HARS1: variants seen among roughly 807,000 people sequenced by gnomAD.
The protein encoded by HARS1 is histidyl-tRNA synthetase 1, also known as histidine--tRNA ligase, cytoplasmic.
HARS1 carries 45 observed loss-of-function variants against 63.6 expected under a neutral mutation model. That is an observed-to-expected ratio of 0.71 (90% CI 0.56 to 0.91). HARS1 has a LOEUF of 0.91. HARS1 is among the 40% of genes least tolerant of loss of function. The pLI is 0.00. For missense variants in HARS1, 508 were observed against 643.2 expected, an observed-to-expected ratio of 0.79 and a Z score of 2.27; for synonymous variants, 205 against 247.1, an observed-to-expected ratio of 0.83 and a Z score of 1.60.
rs1758588849 is a variant in HARS1, at chr5:140,679,459, A to G, written c.396+329T>C. 2.5e-6 allele frequency: 1 copy of G among 404,458 alleles called. No homozygotes were observed. The highest frequency in any genetic ancestry group is 4.2e-5 in the Admixed American group (1 of 23,642). 25.1% of individuals were successfully genotyped at this position (404,458 alleles called of 1,614,324 possible). A position where few individuals can be genotyped will look rare whatever the true frequency, so the allele number is the denominator to read the frequency against. On this transcript the variant is annotated intron_variant, in intron 4 of 12. Coordinates refer to ENST00000504156, the MANE Select transcript of HARS1 (RefSeq NM_002109.6). The surrounding 1 kb of genome is among the most constrained non-coding windows in gnomAD (Gnocchi z 4.3). ...TTTCTAAGCAGATGATTCTCTGTGT[A>G]GCTTGGAGACAAGGGAAATGTGTTG...
rs559027178 is a variant in HARS1 at position 140,676,184 on chromosome 5, C to A, written c.1194+470G>T. 8.3e-5 allele frequency: 13 copies of A among 156,628 alleles called. No homozygotes were observed. The highest frequency in any genetic ancestry group is 4.4e-4 in the Admixed American group (7 of 15,746). 9.7% of individuals were successfully genotyped at this position (156,628 alleles called of 1,614,324 possible). On this transcript the variant is annotated intron_variant, in intron 10 of 12. Transcript: ENST00000504156. This position sits in a 1 kb window ranked among gnomAD's most constrained non-coding sequence, Gnocchi z 4.1. Reference sequence around the variant, plus strand: ...CTGGATTCAAATTCTGACCCTACCACTTACAAGTTTCATGGCCTTAAGCAA... The same window carrying A: ...CTGGATTCAAATTCTGACCCTACCAATTACAAGTTTCATGGCCTTAAGCAA...
Position 140,673,972 on chromosome 5 carries a change from G to A in HARS1, c.*285C>T, listed in dbSNP as rs1251176513. 4 of 574,920 alleles carry A rather than the reference G, an allele frequency of 7.0e-6. No homozygotes were observed. Among genetic ancestry groups the A allele is most frequent in the African/African-American group, 5.6e-5 (3 of 53,338 alleles). 35.6% of individuals were successfully genotyped at this position (574,920 alleles called of 1,614,324 possible). A position where few individuals can be genotyped will look rare whatever the true frequency, so the allele number is the denominator to read the frequency against. ...TGGGGAGGCATCTGCTCCAACTGGT[G>A]CGGGGCCCTGCAGATGGGACCATCT... On this transcript the variant is annotated 3_prime_UTR_variant, in exon 13 of 13. Transcript: ENST00000504156.
At position 140,677,430 on chromosome 5, in the gene HARS1, C is replaced by T; in HGVS notation, c.730-10G>A. ...CCTCTTCCCAGGACACCTAGGCAGA[C>T]AGACACCAGTCAGGGACCCCTGGGC... On this transcript the variant is annotated splice_polypyrimidine_tract_variant and intron_variant, in intron 7 of 12. Coordinates refer to ENST00000504156, the MANE Select transcript of HARS1 (RefSeq NM_002109.6). The T allele has an allele frequency of 1.9e-6, 3 of 1,600,646 alleles. No individual in the cohort carries two copies. Among genetic ancestry groups the T allele is most frequent in the Non-Finnish European group, 1.7e-6 (2 of 1,167,814 alleles).
intron 2 of HARS1, among the ~76,000 whole-genome samples, chr5:140,688,267 C>T (rs1759164781): frequency 1.3e-5 from 2 of 152,148 alleles, no homozygotes; most frequent in South Asian, 4.1e-4. Context: ...AATCTTAACA[C>T]TATAGTATGG....
In HARS1 at chr5:140,674,823, A is replaced by G. The variant is rs1258248755; in HGVS notation, c.1314T>C (p.Ala438=). 2.5e-6 allele frequency: 4 copies of G among 1,614,032 alleles called. No homozygotes were observed. The highest frequency in any genetic ancestry group is 1.3e-5 in the African/African-American group (1 of 74,926). The change falls in exon 12 of 13, where the codon GCT becomes GCC. Residue 438 remains alanine (A), a splice_region_variant and synonymous_variant. Transcript: ENST00000504156. ...TTGGGTTCTTCTTGTACAGCAGCTC[A>G]GCCTGCAGGGGACAAGAGCAGAAGA... ...VSELWDAGIK[A]ELLYKKNPKL... is the part of the protein sequence containing the mutation.
In HARS1 at chr5:140,677,718, A is replaced by T; in HGVS notation, c.666T>A (p.Ala222=). ...ACTTGCTGTCAGAAACACCACAGAT[A>T]GCAAACATCCCATCTAGAATGCGTC... ...NDRRILDGMF[A]ICGVSDSKFR... The change falls in exon 7 of 13, where the codon GCT becomes GCA. Residue 222 remains alanine (A), a synonymous_variant. Coordinates refer to ENST00000504156, the MANE Select transcript of HARS1 (RefSeq NM_002109.6). 5 of 1,611,862 alleles carry T rather than the reference A, an allele frequency of 3.1e-6. No individual in the cohort carries two copies. Among genetic ancestry groups the T allele is most frequent in the Non-Finnish European group, 4.2e-6 (5 of 1,179,276 alleles).
At chr5:140,674,405 C>T in intron 12 of HARS1, 77 bp from the exon 13 acceptor site, 2 of 1,040,278 alleles carry the variant, frequency 1.9e-6, no homozygotes, top group South Asian at 1.3e-5. Context: ...TTCCTCTAGC[C>T]CTCTAGGCAT....
intron 2 of HARS1, among the ~76,000 whole-genome samples, chr5:140,686,821 G>A (rs1022350490): frequency 2.0e-5 from 3 of 151,956 alleles, no homozygotes; most frequent in Non-Finnish European, 2.9e-5. Flanking sequence ...TCAAACTCCC[G>A]ACCTCAGGTG....
rs773562706 is a variant in HARS1 at position 140,690,695 on chromosome 5, C to T, written c.180+160G>A. Among the ~76,000 whole-genome samples, 9 of 152,302 alleles carry T rather than the reference C, an allele frequency of 5.9e-5. 1 individual carries two copies. Among genetic ancestry groups the T allele is most frequent in the Middle Eastern group, 6.8e-3 (2 of 294 alleles). On this transcript the variant is annotated intron_variant, in intron 2 of 12. Transcript: ENST00000504156. Reference sequence around the variant, plus strand: ...CCATCACTTTGCCATCCCAGAATGACTCAGGTAGAGTCCAGTCCAGCCCAG... The same window carrying T: ...CCATCACTTTGCCATCCCAGAATGATTCAGGTAGAGTCCAGTCCAGCCCAG...
At chr5:140,678,183 C>A in intron 5 of HARS1, 168 bp from the exon 6 acceptor site, 1 of 600,052 alleles carries the variant, frequency 1.7e-6, no homozygotes, top group Non-Finnish European at 3.0e-6. Context: ...GGGCTTCTCA[C>A]CAGTTTTGGT....
At chr5:140,686,791 C>T (rs529521744) in intron 2 of HARS1, among the ~76,000 whole-genome samples, 1 of 151,678 alleles carries the variant, frequency 6.6e-6, no homozygotes. Flanking sequence ...TGGGGTTTCT[C>T]TATGTTGGTC....
intron 2 of HARS1, chr5:140,683,492 A>G: frequency 8.3e-7 from 1 of 1,203,452 alleles, no homozygotes; most frequent in Non-Finnish European, 1.0e-6. Flanking sequence ...CCATTTTTCT[A>G]AACACTCTCT....
At chr5:140,690,095 C>T (rs1052186747) in intron 2 of HARS1, among the ~76,000 whole-genome samples, 1 of 152,170 alleles carries the variant, frequency 6.6e-6, no homozygotes, top group Non-Finnish European at 1.5e-5. Context: ...CCCAGTTCTC[C>T]CTTATTTTTC....
chr5:140,678,903 C>T, intron 5 of HARS1, 99 bp downstream of exon 5: 4 of 1,213,352 alleles, frequency 3.3e-6, no homozygotes, highest in Non-Finnish European at 4.7e-6. Flanking sequence ...TTATCTGGGT[C>T]ATCCAATTTG....
rs768355330 is a variant in HARS1 at position 140,677,458 on chromosome 5, C to T, written c.730-38G>A. On this transcript the variant is annotated intron_variant, in intron 7 of 12. Coordinates refer to ENST00000504156, the MANE Select transcript of HARS1 (RefSeq NM_002109.6). ...ACACCAGTCAGGGACCCCTGGGCAGCTTCCGCACCACAGAGCAAGTGTGTA... is the reference window on the plus strand; with the variant it reads ...ACACCAGTCAGGGACCCCTGGGCAGTTTCCGCACCACAGAGCAAGTGTGTA... 2.7e-6 allele frequency: 4 copies of T among 1,475,178 alleles called. No homozygotes were observed. In the East Asian group the frequency reaches 9.0e-5, roughly 33 times the overall value. The allele number at this position is 1,475,178 out of a possible 1,614,324, so 91.4% of individuals were successfully genotyped here.
In HARS1 at chr5:140,674,836, CAA is replaced by C; in HGVS notation, c.1312-13_1312-12del. 1.2e-6 allele frequency: 2 copies of C among 1,614,080 alleles called. No individual in the cohort carries two copies. The highest frequency in any genetic ancestry group is 1.7e-6 in the Non-Finnish European group (2 of 1,179,940). On this transcript the variant is annotated splice_polypyrimidine_tract_variant and intron_variant, in intron 11 of 12. Coordinates refer to ENST00000504156, the MANE Select transcript of HARS1 (RefSeq NM_002109.6). ...GTACAGCAGCTCAGCCTGCAGGGGA[CAA>C]GAGCAGAAGATGAAGGCTGGCTTCT...
rs1402586079 is a variant in HARS1 at position 140,673,963 on chromosome 5, C to G, written c.*294G>C. The G allele has an allele frequency of 1.8e-6, 1 of 569,104 alleles. No individual in the cohort carries two copies. The highest frequency in any genetic ancestry group is 1.9e-5 in the African/African-American group (1 of 53,260). The allele number at this position is 569,104 out of a possible 1,614,324, so 35.3% of individuals were successfully genotyped here. ...AATTGGTGGTGGGGAGGCATCTGCT[C>G]CAACTGGTGCGGGGCCCTGCAGATG... On this transcript the variant is annotated 3_prime_UTR_variant, in exon 13 of 13. Transcript: ENST00000504156.
chr5:140,676,685 C>G lies in HARS1; in HGVS notation c.1163G>C (p.Arg388Pro). The change falls in exon 10 of 13, where the codon CGG (arginine) becomes CCG (proline). Residue 388 changes from arginine (R) to proline (P), a missense_variant. Transcript: ENST00000504156. This position sits in a 1 kb window ranked among gnomAD's most constrained non-coding sequence, Gnocchi z 4.1. Reference protein sequence around the residue: ...PCVGLSIGVERIFSIVEQRLE... With the variant: ...PCVGLSIGVEPIFSIVEQRLE... ...TCTCTGTTCCACGATGGAGAAAATC[C>G]GCTCCACCCCAATGCTGAGCCCCAC... The G allele has an allele frequency of 6.2e-7, 1 of 1,614,168 alleles. No individual in the cohort carries two copies. The highest frequency in any genetic ancestry group is 1.1e-5 in the South Asian group (1 of 91,080).
chr5:140,674,102 A>C lies in HARS1; in HGVS notation c.*155T>G. The C allele has an allele frequency of 1.4e-6, 1 of 710,068 alleles. No homozygotes were observed. Among genetic ancestry groups the C allele is most frequent in the Non-Finnish European group, 2.6e-6 (1 of 384,464 alleles). The allele number at this position is 710,068 out of a possible 1,614,324, so 44.0% of individuals were successfully genotyped here. On this transcript the variant is annotated 3_prime_UTR_variant, in exon 13 of 13. Transcript: ENST00000504156. ...CCGTTTTTGCCAGTAATAATCAATA[A>C]AATAACCATAATAAAAATCAAAGGC...
Sources: gnomAD v4.1 joint callset for allele counts (sites outside exome capture counted in the v4.1 genomes callset) on GRCh38, gnomAD v4.1.1 for gene constraint, Gnocchi (gnomAD v3.1) non-coding constraint, MANE v1.5 for transcripts, NCBI Gene and HGNC (gene_info 2026-07-23, HGNC 2026-07-21) for gene names.